The following NKAIN3 variants were observed in gnomAD, a reference collection of about 807,000 sequenced individuals.
NKAIN3 encodes the protein sodium/potassium-transporting ATPase subunit beta-1-interacting protein 3.
Under a neutral mutation model 30.2 loss-of-function variants are expected in NKAIN3, and 25 were observed. The ratio of observed to expected loss-of-function variants is 0.83; its 90% CI spans 0.60 to 1.16. NKAIN3 has a LOEUF of 1.16. Ranked by LOEUF, NKAIN3 falls within the 50% of genes most tolerant of loss-of-function variation. The pLI, the probability that NKAIN3 is intolerant of heterozygous loss-of-function variation, is 0.00. For missense variants in NKAIN3, 225 were observed against 254.1 expected (o/e 0.89, Z 0.78); for synonymous variants, 91 against 89.6 (o/e 1.02, Z -0.09).
intron 3 of NKAIN3, among the ~76,000 whole-genome samples, chr8:62,614,096 G>C (rs1811373300): frequency 6.6e-6 from 1 of 151,982 alleles, no homozygotes; most frequent in Non-Finnish European, 1.5e-5. Context: ...TTCAGTATCT[G>C]GCCATTGAGG....
chr8:62,644,753 T>C (rs1812405545), intron 3 of NKAIN3, among the ~76,000 whole-genome samples: 2 of 152,156 alleles, frequency 1.3e-5, no homozygotes, highest in Admixed American at 6.5e-5. Context: ...GAAATTAATA[T>C]GTATTTGGAA....
chr8:62,990,452 T>G (rs1454037007), intron 5 of NKAIN3: 2 of 818,242 alleles, frequency 2.4e-6, no homozygotes, highest in Non-Finnish European at 3.2e-6. Context: ...TCCTAAAGAT[T>G]GCCATTGCTT....
intron 4 of NKAIN3, among the ~76,000 whole-genome samples, chr8:62,801,090 G>C (rs185511616): frequency 0.02 from 3,004 of 152,320 alleles, 98 homozygotes; most frequent in African/African-American, 0.068. Context: ...GCCCAGGCTT[G>C]CTTAGGTAAA....
intron 5 of NKAIN3, 77 bp from the exon 6 acceptor site, chr8:62,953,825 T>C: frequency 3.3e-6 from 1 of 303,804 alleles, no homozygotes; most frequent in South Asian, 1.3e-4. Context: ...ACTTTGCTCT[T>C]ATGCATTCTA....
At chr8:62,777,438 G>T (rs972905926) in intron 4 of NKAIN3, among the ~76,000 whole-genome samples, 4 of 151,804 alleles carry the variant, frequency 2.6e-5, no homozygotes, top group African/African-American at 7.3e-5. Flanking sequence ...GGCCTGTCTA[G>T]CTCACTAATT....
intron 5 of NKAIN3, among the ~76,000 whole-genome samples, chr8:62,926,669 G>A (rs933730575): frequency 3.9e-5 from 6 of 152,058 alleles, no homozygotes; most frequent in Admixed American, 3.3e-4. Flanking sequence ...GACCGCCGGC[G>A]GCTTTTTCCT....
chr8:62,745,017 G>A (rs937375751), intron 3 of NKAIN3, among the ~76,000 whole-genome samples: 9 of 152,130 alleles, frequency 5.9e-5, no homozygotes, highest in Non-Finnish European at 1.3e-4. Context: ...ATATGCACTG[G>A]GAATGTTACT....
chr8:62,770,875 A>T (rs112100521), intron 4 of NKAIN3, among the ~76,000 whole-genome samples: 11 of 152,074 alleles, frequency 7.2e-5, no homozygotes, highest in Non-Finnish European at 1.5e-4. Flanking sequence ...GCAAACGAGT[A>T]ACAACTGACA....
chr8:62,990,263 C>G (rs750630602), intron 5 of NKAIN3: 65 of 1,513,124 alleles, frequency 4.3e-5, no homozygotes, highest in Non-Finnish European at 5.8e-5. Context: ...ACCAAATTGT[C>G]ACATCAGTCA....
chr8:62,345,131 T>C (rs1815889437), intron 1 of NKAIN3, among the ~76,000 whole-genome samples: 1 of 151,684 alleles, frequency 6.6e-6, no homozygotes, highest in South Asian at 2.1e-4. Flanking sequence ...GTATAGAAAC[T>C]CTACTGGTTA....
intron 4 of NKAIN3, among the ~76,000 whole-genome samples, chr8:62,893,884 G>C (rs1270494612): frequency 1.3e-5 from 2 of 152,134 alleles, no homozygotes; most frequent in Non-Finnish European, 2.9e-5. Context: ...AGCCTTGAAA[G>C]GCAGATGAAG....
chr8:62,703,942 CT>C, intron 3 of NKAIN3, among the ~76,000 whole-genome samples: 1 of 152,208 alleles, frequency 6.6e-6, no homozygotes, highest in East Asian at 1.9e-4. Context: ...CATTTGCTCT[CT>C]GTTCATATAC....
chr8:62,815,432 G>A (rs1475922329), intron 4 of NKAIN3, among the ~76,000 whole-genome samples: 1 of 152,078 alleles, frequency 6.6e-6, no homozygotes, highest in Non-Finnish European at 1.5e-5. Flanking sequence ...GAGAATTTTA[G>A]ACCAATATCC....
At chr8:62,647,237 G>A (rs1442582385) in intron 3 of NKAIN3, among the ~76,000 whole-genome samples, 2 of 152,176 alleles carry the variant, frequency 1.3e-5, no homozygotes, top group Non-Finnish European at 2.9e-5. Context: ...AGTCTGCAAA[G>A]GCATAAATGC....
At chr8:62,681,740 A>G (rs1488626869) in intron 3 of NKAIN3, among the ~76,000 whole-genome samples, 1 of 152,198 alleles carries the variant, frequency 6.6e-6, no homozygotes, top group African/African-American at 2.4e-5. Context: ...GACTTTATAT[A>G]TACTCCCAGA....
intron 2 of NKAIN3, among the ~76,000 whole-genome samples, chr8:62,586,862 TAAGC>T (rs1274192077): frequency 6.6e-6 from 1 of 151,980 alleles, no homozygotes; most frequent in Non-Finnish European, 1.5e-5. Context: ...ATACTAAACA[TAAGC>T]AAAGTAGAAG....
intron 1 of NKAIN3, among the ~76,000 whole-genome samples, chr8:62,312,443 G>T (rs1814473474): frequency 6.6e-6 from 1 of 150,436 alleles, no homozygotes; most frequent in Non-Finnish European, 1.5e-5. Context: ...CTATCACCAG[G>T]CTAGACAGGA....
chr8:62,686,612 G>A (rs1813808224), intron 3 of NKAIN3, among the ~76,000 whole-genome samples: 1 of 152,000 alleles, frequency 6.6e-6, no homozygotes, highest in Non-Finnish European at 1.5e-5. Flanking sequence ...AATAATTAAT[G>A]GAAAATAGAT....
At chr8:62,746,331 A>T (rs537549181) in intron 3 of NKAIN3, among the ~76,000 whole-genome samples, 4 of 152,316 alleles carry the variant, frequency 2.6e-5, no homozygotes, top group South Asian at 2.1e-4. Context: ...ATAGTCCATG[A>T]TCATCTCCCC....
Sources: gnomAD v4.1 joint callset for allele counts (sites outside exome capture counted in the v4.1 genomes callset) on GRCh38, gnomAD v4.1.1 for gene constraint, MANE v1.5 for transcripts, NCBI Gene and HGNC (gene_info 2026-07-23, HGNC 2026-07-21) for gene names.